MAF: variants seen among roughly 807,000 people sequenced by gnomAD.
MAF encodes the protein MAF bZIP transcription factor.
MAF carries 10 observed loss-of-function variants against 22.0 expected under a neutral mutation model. The observed-to-expected ratio is 0.45, with a 90% CI of 0.28 to 0.77. The LOEUF (loss-of-function observed/expected upper bound fraction) is 0.77, where lower values mean the gene tolerates loss of function less well. MAF is among the 30% of genes least tolerant of loss of function. The pLI, the probability that MAF is intolerant of heterozygous loss-of-function variation, is 0.12. For missense variants in MAF, 544 were observed against 548.4 expected, an observed-to-expected ratio of 0.99 and a Z score of 0.08; for synonymous variants, 337 against 255.8, an observed-to-expected ratio of 1.32 and a Z score of -3.03.
chr16:79,281,761 G>A, the MAF span, among the ~76,000 whole-genome samples: 12 of 151,844 alleles, frequency 7.9e-5, no homozygotes, highest in South Asian at 2.1e-4. Context: ...TGGCCAGGAT[G>A]GTCTCCATCT....
At chr16:79,420,809 C>T in the MAF span, among the ~76,000 whole-genome samples, 1 of 152,200 alleles carries the variant, frequency 6.6e-6, no homozygotes. Flanking sequence ...GCGGGTGGAT[C>T]ACCTGAGGTC....
At chr16:79,236,795 A>C in the MAF span, among the ~76,000 whole-genome samples, 3 of 151,884 alleles carry the variant, frequency 2.0e-5, no homozygotes, top group Admixed American at 1.3e-4. Flanking sequence ...TTAGGAGTTA[A>C]AGAAAAGTGC....
intron 1 of MAF, among the ~76,000 whole-genome samples, chr16:79,587,694 C>T (rs755784160): frequency 7.2e-5 from 11 of 151,974 alleles, no homozygotes; most frequent in Non-Finnish European, 1.5e-4. Flanking sequence ...TGATAGTCTC[C>T]GTTATTTTTG....
the MAF span, among the ~76,000 whole-genome samples, chr16:79,444,740 T>C: frequency 6.6e-6 from 1 of 152,196 alleles, no homozygotes; most frequent in Non-Finnish European, 1.5e-5. Context: ...AGCCACAGAA[T>C]GCTGCTTTGA....
chr16:79,369,247 G>T, the MAF span, among the ~76,000 whole-genome samples: 1 of 152,134 alleles, frequency 6.6e-6, no homozygotes, highest in Admixed American at 6.5e-5. Flanking sequence ...AATGATTTGG[G>T]AGCCTTCCCT....
chr16:79,250,943 C>T, the MAF span, among the ~76,000 whole-genome samples: 1 of 152,090 alleles, frequency 6.6e-6, no homozygotes, highest in Non-Finnish European at 1.5e-5. Flanking sequence ...GTAATAATTC[C>T]GATTACAAAA....
chr16:79,506,945 T>C, the MAF span, among the ~76,000 whole-genome samples: 3 of 152,182 alleles, frequency 2.0e-5, no homozygotes, highest in Non-Finnish European at 2.9e-5. Flanking sequence ...GAGGGGTGTA[T>C]AGGAACTCCT....
chr16:79,220,126 G>C, the MAF span, among the ~76,000 whole-genome samples: 1 of 151,776 alleles, frequency 6.6e-6, no homozygotes, highest in African/African-American at 2.4e-5. Context: ...TGTGGTGGTG[G>C]GCACCTGTAG....
the MAF span, among the ~76,000 whole-genome samples, chr16:79,347,455 C>G: frequency 2.6e-5 from 4 of 152,234 alleles, no homozygotes; most frequent in African/African-American, 9.6e-5. Context: ...CAAAGCGAAG[C>G]TGTTCCCTGG....
the MAF span, among the ~76,000 whole-genome samples, chr16:79,322,441 CA>C: frequency 6.6e-6 from 1 of 151,994 alleles, no homozygotes; most frequent in Non-Finnish European, 1.5e-5. Flanking sequence ...TTGAGAAAAA[CA>C]GTAAGTTTGC....
At chr16:79,531,094 A>G in the MAF span, among the ~76,000 whole-genome samples, 1 of 152,230 alleles carries the variant, frequency 6.6e-6, no homozygotes, top group African/African-American at 2.4e-5. Context: ...GTGTTAAAGT[A>G]TGTACTCTTA....
chr16:79,328,410 G>T, the MAF span, among the ~76,000 whole-genome samples: 1 of 152,280 alleles, frequency 6.6e-6, no homozygotes, highest in East Asian at 1.9e-4. Context: ...GGAAACAGGG[G>T]CAAAAGGAGA....
At chr16:79,457,715 G>A in the MAF span, among the ~76,000 whole-genome samples, 1 of 152,138 alleles carries the variant, frequency 6.6e-6, no homozygotes, top group African/African-American at 2.4e-5. Flanking sequence ...CCTACACTCT[G>A]TGCTCCTCAA....
the MAF span, among the ~76,000 whole-genome samples, chr16:79,561,792 G>C: frequency 4.6e-5 from 7 of 152,194 alleles, no homozygotes; most frequent in African/African-American, 1.7e-4. Context: ...GGACTGAGAA[G>C]AGAGGAGACG....
chr16:79,542,442 G>C, the MAF span, among the ~76,000 whole-genome samples: 5 of 152,180 alleles, frequency 3.3e-5, no homozygotes, highest in African/African-American at 1.2e-4. Flanking sequence ...CCAAGCAACA[G>C]GGGTCAGTGG....
chr16:79,341,664 C>A, the MAF span, among the ~76,000 whole-genome samples: 2 of 152,146 alleles, frequency 1.3e-5, no homozygotes, highest in African/African-American at 4.8e-5. Flanking sequence ...AGTAGAGCAG[C>A]GTCATGACTT....
chr16:79,393,542 A>G, the MAF span, among the ~76,000 whole-genome samples: 1 of 152,210 alleles, frequency 6.6e-6, no homozygotes, highest in East Asian at 1.9e-4. Context: ...CTTCTGCCTG[A>G]TTAGACCTCA....
chr16:79,427,028 C>G, the MAF span, among the ~76,000 whole-genome samples: 1 of 152,184 alleles, frequency 6.6e-6, no homozygotes, highest in Non-Finnish European at 1.5e-5. Flanking sequence ...TCTGCTCAAG[C>G]CAAATTGAAC....
chr16:79,464,410 A>G, the MAF span, among the ~76,000 whole-genome samples: 1 of 152,126 alleles, frequency 6.6e-6, no homozygotes, highest in African/African-American at 2.4e-5. Context: ...GTCCAAGAAT[A>G]TATGATGGGC....
Sources: gnomAD v4.1 joint callset for allele counts (sites outside exome capture counted in the v4.1 genomes callset) on GRCh38, gnomAD v4.1.1 for gene constraint, MANE v1.5 for transcripts, NCBI Gene and HGNC (gene_info 2026-07-23, HGNC 2026-07-21) for gene names.